Variants in ETF1 observed in about 807,000 individuals in gnomAD.
The protein encoded by ETF1 is eukaryotic translation termination factor 1.
ETF1 carries 4 observed loss-of-function variants against 55.1 expected under a neutral mutation model. The ratio of observed to expected loss-of-function variants is 0.07; its 90% CI spans 0.04 to 0.17. The LOEUF is 0.17. Among genes scored for constraint, ETF1 ranks in the 10% least tolerant of loss-of-function variants. The probability of loss-of-function intolerance (pLI) is 1.00; values close to 1 mark genes in which losing one functional copy is unlikely to be tolerated. For missense variants in ETF1, 142 were observed against 523.6 expected (o/e 0.27, Z 7.11); for synonymous variants, 157 against 182.3 (o/e 0.86, Z 1.12).
At chr5:138,540,536 T>C (rs1158789040) in intron 2 of ETF1, among the ~76,000 whole-genome samples, 1 of 152,170 alleles carries the variant, frequency 6.6e-6, no homozygotes, top group Non-Finnish European at 1.5e-5. Flanking sequence ...CTCCAAAAAC[T>C]GGTATATACT....
Position 138,506,235 on chromosome 5 carries a change from G to GTT in ETF1, c.*2069_*2070insAA, listed in dbSNP as rs1764553796. 1 of 152,546 alleles carries GTT rather than the reference G, an allele frequency of 6.6e-6. No homozygotes were observed. Among genetic ancestry groups the GTT allele is most frequent in the South Asian group, 2.1e-4 (1 of 4,826 alleles). 9.4% of individuals were successfully genotyped at this position (152,546 alleles called of 1,614,324 possible). ...CCCCCTCTTATATGTGTTTGTATGT[G>GTT]TAAGTGTAATACATATCAATATATA... On this transcript the variant is annotated 3_prime_UTR_variant, in exon 11 of 11. Transcript: ENST00000360541.
At chr5:138,541,871 G>A (rs1766192008) in intron 2 of ETF1, among the ~76,000 whole-genome samples, 1 of 118,886 alleles carries the variant, frequency 8.4e-6, no homozygotes, top group Non-Finnish European at 1.7e-5. Flanking sequence ...TTCCTCAAAC[G>A]AACAACGTTA....
chr5:138,541,622 T>A, intron 2 of ETF1: 1 of 1,529,934 alleles, frequency 6.5e-7, no homozygotes, highest in Non-Finnish European at 8.7e-7. Context: ...AATCTACCCA[T>A]AAATGACAAT....
intron 2 of ETF1, chr5:138,542,560 A>C: frequency 1.6e-6 from 2 of 1,263,908 alleles, no homozygotes; most frequent in Non-Finnish European, 2.1e-6. Context: ...AGGGCCCGGG[A>C]GAGGTGCAAA....
In ETF1 at chr5:138,508,279, C is replaced by T. The variant is rs773884798; in HGVS notation, c.*26G>A. 9.9e-6 allele frequency: 16 copies of T among 1,609,082 alleles called. No individual in the cohort carries two copies. Among genetic ancestry groups the T allele is most frequent in the African/African-American group, 2.7e-5 (2 of 74,838 alleles). On this transcript the variant is annotated 3_prime_UTR_variant, in exon 11 of 11. Coordinates refer to ENST00000360541, the MANE Select transcript of ETF1 (RefSeq NM_004730.4). ...GGGTTGGATGCTGGAGGGTGAGGCA[C>T]GTTTTGCCGGACCCATGTCGACTAC...
At chr5:138,529,398 C>T (rs1765604231) in intron 2 of ETF1, among the ~76,000 whole-genome samples, 1 of 152,232 alleles carries the variant, frequency 6.6e-6, no homozygotes, top group Non-Finnish European at 1.5e-5. Context: ...GCTGGCTACA[C>T]AGGCAAACTA....
intron 2 of ETF1, among the ~76,000 whole-genome samples, chr5:138,529,033 C>A (rs114660147): frequency 6.6e-6 from 1 of 151,952 alleles, no homozygotes; most frequent in Non-Finnish European, 1.5e-5. Context: ...GTAATCCCAG[C>A]AGGAGAATCG....
chr5:138,528,239 C>T (rs1489886749), intron 2 of ETF1, among the ~76,000 whole-genome samples: 7 of 152,102 alleles, frequency 4.6e-5, no homozygotes, highest in African/African-American at 7.2e-5. Flanking sequence ...AGATTTGGAA[C>T]GTTTAAGGCT....
chr5:138,524,284 T>C (rs1053969441), intron 2 of ETF1, among the ~76,000 whole-genome samples: 1 of 151,344 alleles, frequency 6.6e-6, no homozygotes, highest in African/African-American at 2.4e-5. Context: ...ACCTGGGAGA[T>C]GGAGGTTGCA....
intron 2 of ETF1, chr5:138,541,625 A>T: frequency 6.5e-7 from 1 of 1,529,396 alleles, no homozygotes; most frequent in Non-Finnish European, 8.7e-7. Context: ...CTACCCATAA[A>T]TGACAATCCT....
chr5:138,531,676 G>C (rs1366308542), intron 2 of ETF1, among the ~76,000 whole-genome samples: 1 of 152,136 alleles, frequency 6.6e-6, no homozygotes, highest in East Asian at 1.9e-4. Context: ...GTTGTGCCTA[G>C]GCTATGGATG....
chr5:138,515,453 A>G (rs1764979788), intron 4 of ETF1, among the ~76,000 whole-genome samples: 1 of 152,176 alleles, frequency 6.6e-6, no homozygotes, highest in African/African-American at 2.4e-5. Context: ...AAGAAAAAAG[A>G]CATGAATATG....
Position 138,508,406 on chromosome 5 carries a change from A to G in ETF1, c.1232-19T>C, listed in dbSNP as rs768474082. ...AAGATACCTGGGGAAACAAACCAAA[A>G]GGTAAATTACCTGTGTTCATGGGAT... On this transcript the variant is annotated intron_variant, in intron 10 of 10. Coordinates refer to ENST00000360541, the MANE Select transcript of ETF1 (RefSeq NM_004730.4). 1.9e-6 allele frequency: 3 copies of G among 1,613,106 alleles called. No homozygotes were observed. The highest frequency in any genetic ancestry group is 1.3e-5 in the African/African-American group (1 of 74,924).
chr5:138,525,070 G>A (rs1765410925), intron 2 of ETF1, among the ~76,000 whole-genome samples: 1 of 151,872 alleles, frequency 6.6e-6, no homozygotes, highest in Admixed American at 6.6e-5. Context: ...GCCAAAGCAT[G>A]TTTTCCCGAG....
At chr5:138,537,718 G>C (rs767447395) in intron 2 of ETF1, among the ~76,000 whole-genome samples, 2 of 151,010 alleles carry the variant, frequency 1.3e-5, no homozygotes, top group African/African-American at 2.4e-5. Flanking sequence ...CTCCCGAGTA[G>C]CTGGGACTAC....
chr5:138,506,305 G>A lies in ETF1; in HGVS notation c.*2000C>T, dbSNP rs1388090175. ...ATAATGCAATATATATCACCGAAGA[G>A]AACACATTGATTAAAGAAATACAAA... On this transcript the variant is annotated 3_prime_UTR_variant, in exon 11 of 11. Transcript: ENST00000360541. The A allele has an allele frequency of 6.6e-6, 1 of 152,428 alleles. No individual in the cohort carries two copies. The highest frequency in any genetic ancestry group is 2.4e-5 in the African/African-American group (1 of 41,356). The allele number at this position is 152,428 out of a possible 1,614,324, so 9.4% of individuals were successfully genotyped here. A position where few individuals can be genotyped will look rare whatever the true frequency, so the allele number is the denominator to read the frequency against.
At chr5:138,510,900 G>T in intron 8 of ETF1, 145 bp downstream of exon 8, 1 of 1,453,764 alleles carries the variant, frequency 6.9e-7, no homozygotes, top group Non-Finnish European at 9.1e-7. Context: ...AATCTATGCA[G>T]GAATGTGCTA....
At chr5:138,535,717 T>C (rs1580719766) in intron 2 of ETF1, among the ~76,000 whole-genome samples, 1 of 128,030 alleles carries the variant, frequency 7.8e-6, no homozygotes, top group African/African-American at 3.2e-5. Flanking sequence ...CAAGACCGTC[T>C]CAAAAAAAAA....
chr5:138,537,738 C>T (rs1340086788), intron 2 of ETF1, among the ~76,000 whole-genome samples: 2 of 151,198 alleles, frequency 1.3e-5, no homozygotes, highest in Non-Finnish European at 2.9e-5. Context: ...CAGGTGCCCG[C>T]CACCATGCCT....
Sources: gnomAD v4.1 joint callset for allele counts (sites outside exome capture counted in the v4.1 genomes callset) on GRCh38, gnomAD v4.1.1 for gene constraint, MANE v1.5 for transcripts, NCBI Gene and HGNC (gene_info 2026-07-23, HGNC 2026-07-21) for gene names.